PLEKHS1: variants seen among roughly 807,000 people sequenced by gnomAD.
The protein encoded by PLEKHS1 is pleckstrin homology domain containing S1, also known as pleckstrin homology domain-containing family S member 1.
A neutral mutation model predicts 51.0 loss-of-function variants in PLEKHS1; 55 were observed. The ratio of observed to expected loss-of-function variants is 1.08; its 90% confidence interval spans 0.87 to 1.35. The LOEUF (loss-of-function observed/expected upper bound fraction) is 1.35, where lower values mean the gene tolerates loss of function less well. Ranked by LOEUF, PLEKHS1 falls within the 40% of genes most tolerant of loss-of-function variation. The pLI is 0.00. For synonymous variants in PLEKHS1, 153 were observed against 144.8 expected (o/e 1.06, Z -0.41); for missense variants, 398 against 423.0 (o/e 0.94, Z 0.52).
Position 113,772,212 on chromosome 10 carries a change from G to A in PLEKHS1, c.672+123G>A, listed in dbSNP as rs974683364. ...GGAACACAGAAGTAAATCAAATACA[G>A]ATGACGTGCTCATGGTGCTGACACT... On this transcript the variant is annotated intron_variant, in intron 8 of 11. Transcript: ENST00000361048. 8 of 1,022,488 alleles carry A rather than the reference G, an allele frequency of 7.8e-6. No homozygotes were observed. The African/African-American group carries it at 1.1e-4, about 15-fold the overall frequency. The allele number at this position is 1,022,488 out of a possible 1,614,324, so 63.3% of individuals were successfully genotyped here.
intron 11 of PLEKHS1, among the ~76,000 whole-genome samples, chr10:113,776,156 GC>G (rs923710946): frequency 3.9e-5 from 6 of 152,138 alleles, no homozygotes; most frequent in African/African-American, 1.4e-4. Flanking sequence ...GATACAGGTG[GC>G]CCAAGGACAT....
chr10:113,774,361 G>A, intron 9 of PLEKHS1, 28 bp downstream of exon 9: 2 of 1,337,724 alleles, frequency 1.5e-6, no homozygotes, highest in Non-Finnish European at 2.1e-6. Flanking sequence ...TTCAAAATTT[G>A]ATGTTTGCTC....
intron 5 of PLEKHS1, 37 bp downstream of exon 5, chr10:113,767,516 T>C (rs1251081599): frequency 1.3e-5 from 20 of 1,568,978 alleles, no homozygotes; most frequent in Admixed American, 3.9e-5. Context: ...ATCTACTGCA[T>C]GCAAAACAAA....
At chr10:113,761,292 T>C (rs973047241) in intron 2 of PLEKHS1, among the ~76,000 whole-genome samples, 1 of 152,120 alleles carries the variant, frequency 6.6e-6, no homozygotes, top group African/African-American at 2.4e-5. Flanking sequence ...TTTTGAGGAT[T>C]AGCTTTTCTA....
intron 11 of PLEKHS1, among the ~76,000 whole-genome samples, chr10:113,778,805 A>G (rs1372342653): frequency 1.3e-5 from 2 of 152,036 alleles, no homozygotes; most frequent in African/African-American, 2.4e-5. Flanking sequence ...CACTACGCCC[A>G]GCTAATTTTT....
At chr10:113,771,048 C>T (rs952579644) in intron 7 of PLEKHS1, among the ~76,000 whole-genome samples, 4 of 152,160 alleles carry the variant, frequency 2.6e-5, no homozygotes, top group African/African-American at 4.8e-5. Context: ...TTTTCCAAAC[C>T]CCCTGCTCTG....
At chr10:113,775,584 G>A (rs73361862) in intron 10 of PLEKHS1, among the ~76,000 whole-genome samples, 181 bp from the exon 11 acceptor site, 3,120 of 152,132 alleles carry the variant, frequency 0.021, 106 homozygotes, top group African/African-American at 0.071. Context: ...CCTACCATCC[G>A]CTACCACATC....
downstream of PLEKHS1, chr10:113,783,072 C>A (rs1013046522): frequency 6.6e-6 from 1 of 151,988 alleles, no homozygotes; most frequent in African/African-American, 2.4e-5. Context: ...CCTGTCTCTA[C>A]TAAAAATACA....
intron 11 of PLEKHS1, 131 bp downstream of exon 12, chr10:113,777,390 A>G (rs1844721743): frequency 6.2e-7 from 1 of 1,610,476 alleles, no homozygotes; most frequent in Non-Finnish European, 8.5e-7. Context: ...TCAAGTGCAA[A>G]TAACAGAATG....
intron 5 of PLEKHS1, 128 bp from the exon 6 acceptor site, chr10:113,768,687 T>G: frequency 1.6e-6 from 1 of 643,500 alleles, no homozygotes; most frequent in Non-Finnish European, 2.6e-6. Context: ...TTAAGCTACT[T>G]AGGAAAAATT....
chr10:113,772,144 C>T, intron 8 of PLEKHS1, 55 bp downstream of exon 8: 2 of 1,590,938 alleles, frequency 1.3e-6, no homozygotes, highest in Non-Finnish European at 1.7e-6. Flanking sequence ...TTTACTGAAA[C>T]CCTGCCATGC....
rs1421053837 is a variant in PLEKHS1, at chr10:113,771,993, A to C, written c.576A>C (p.Pro192=). The stretch of plus-strand genomic sequence containing the variant: ...AGCATTTAATGGAACAAAGTTCTCC[A>C]GGATTTAGGCAAACTCACCTACAAG... Residue 192 remains proline, a synonymous_variant, in exon 8 of 12, where the codon CCA becomes CCC. Transcript: ENST00000361048. 9.9e-6 allele frequency: 16 copies of C among 1,612,708 alleles called. No homozygotes were observed. In the South Asian group the frequency reaches 1.8e-4, roughly 18 times the overall value.
chr10:113,779,575 A>G (rs1253959494), intron 11 of PLEKHS1, among the ~76,000 whole-genome samples: 2 of 151,938 alleles, frequency 1.3e-5, no homozygotes, highest in African/African-American at 4.8e-5. Flanking sequence ...GTCTCAAAAA[A>G]AAAAAAAAAG....
intron 11 of PLEKHS1, chr10:113,777,825 A>G (rs1844743369): frequency 1.5e-6 from 2 of 1,376,932 alleles, no homozygotes; most frequent in Non-Finnish European, 1.9e-6. Flanking sequence ...TATTGCAAGA[A>G]TTAAACATAA....
intron 2 of PLEKHS1, among the ~76,000 whole-genome samples, chr10:113,765,644 T>C (rs1207663588): frequency 4.6e-5 from 7 of 152,254 alleles, no homozygotes; most frequent in South Asian, 2.1e-4. Context: ...GCAGTTTTAA[T>C]ATTTTCTATA....
rs574542474 is a variant in PLEKHS1 at position 113,766,231 on chromosome 10, C to T, written c.29-180C>T. On this transcript the variant is annotated intron_variant, in intron 2 of 11. Transcript: ENST00000361048. The stretch of plus-strand genomic sequence containing the variant: ...AATGTTGTTTGAATGAAGGTCTCGG[C>T]TGTGGAGGAATAAGAATCATACATT... Among the ~76,000 whole-genome samples, 233 of 152,278 alleles carry T rather than the reference C, an allele frequency of 1.5e-3. 1 individual carries two copies. The highest frequency in any genetic ancestry group is 2.5e-3 in the Non-Finnish European group (172 of 68,016).
intron 8 of PLEKHS1, among the ~76,000 whole-genome samples, chr10:113,773,185 G>A (rs1844492881): frequency 6.6e-6 from 1 of 152,232 alleles, no homozygotes; most frequent in Non-Finnish European, 1.5e-5. Context: ...TTAGTATGCA[G>A]TGGTGCATTG....
intron 10 of PLEKHS1, 23 bp downstream of exon 10, chr10:113,775,058 T>A (rs1844588032): frequency 6.2e-7 from 1 of 1,602,374 alleles, no homozygotes; most frequent in Non-Finnish European, 8.5e-7. Context: ...TTTCTAAAAC[T>A]TGATGGGCCC....
At chr10:113,755,023 G>A (rs767529942) in intron 1 of PLEKHS1, among the ~76,000 whole-genome samples, 3 of 152,146 alleles carry the variant, frequency 2.0e-5, no homozygotes, top group African/African-American at 2.4e-5. Flanking sequence ...CAACACCTCC[G>A]CAGAACCACC....
Sources: gnomAD v4.1 joint callset for allele counts (sites outside exome capture counted in the v4.1 genomes callset) on GRCh38, gnomAD v4.1.1 for gene constraint, MANE v1.5 for transcripts, NCBI Gene and HGNC (gene_info 2026-07-23, HGNC 2026-07-21) for gene names.